KHDRBS2: variants seen among roughly 807,000 people sequenced by gnomAD.
KHDRBS2 encodes KH RNA binding domain containing, signal transduction associated 2, also known as KH domain-containing, RNA-binding, signal transduction-associated protein 2.
KHDRBS2 carries 26 observed loss-of-function variants against 44.3 expected under a neutral mutation model. The observed-to-expected ratio is 0.59, with a 90% CI of 0.43 to 0.81. The LOEUF is 0.81. KHDRBS2 is among the 40% of genes least tolerant of loss of function. The pLI is 0.00. For synonymous variants in KHDRBS2, 194 were observed against 151.1 expected (o/e 1.28, Z -2.08); for missense variants, 476 against 433.1 (o/e 1.10, Z -0.88).
chr6:61,977,254 T>C (rs1370452689), intron 4 of KHDRBS2, among the ~76,000 whole-genome samples: 1 of 152,134 alleles, frequency 6.6e-6, no homozygotes, highest in Non-Finnish European at 1.5e-5. Context: ...TGCCAGACGC[T>C]CCAGAAAACT....
At chr6:62,063,303 A>G (rs1792543730) in intron 2 of KHDRBS2, among the ~76,000 whole-genome samples, 2 of 150,974 alleles carry the variant, frequency 1.3e-5, no homozygotes, top group Admixed American at 1.3e-4. Flanking sequence ...TTCTGATACC[A>G]AAGCCGGGCA....
chr6:61,997,373 T>C (rs1777395298), intron 3 of KHDRBS2, among the ~76,000 whole-genome samples: 1 of 152,202 alleles, frequency 6.6e-6, no homozygotes, highest in Non-Finnish European at 1.5e-5. Flanking sequence ...AATGGAGACC[T>C]CTAGGATTGT....
intron 1 of KHDRBS2, among the ~76,000 whole-genome samples, chr6:62,210,831 G>C (rs1828920197): frequency 6.6e-6 from 1 of 152,000 alleles, no homozygotes; most frequent in African/African-American, 2.4e-5. Flanking sequence ...AATTCTCAGA[G>C]AGTTACCCTC....
intron 7 of KHDRBS2, among the ~76,000 whole-genome samples, chr6:61,727,666 T>C (rs1446094672): frequency 2.0e-5 from 3 of 152,046 alleles, no homozygotes; most frequent in Admixed American, 6.6e-5. Flanking sequence ...TATATGTGAC[T>C]AACAAACATG....
Position 61,713,595 on chromosome 6 carries a change from T to C in KHDRBS2, c.894-16342A>G, listed in dbSNP as rs12205333. Among the ~76,000 whole-genome samples, 724 of 146,576 alleles carry C rather than the reference T, an allele frequency of 4.9e-3. 2 individuals carry two copies. Among genetic ancestry groups the C allele is most frequent in the Non-Finnish European group, 7.8e-3 (521 of 66,564 alleles). ...GATACCTTTAGCTTTTTTTTTTTTT[T>C]CCCTTAGGATTGCTTTGGCTTTTCA... On this transcript the variant is annotated intron_variant, in intron 7 of 8. Transcript: ENST00000281156.
the KHDRBS2 span, among the ~76,000 whole-genome samples, chr6:61,564,163 ACTT>A: frequency 9.2e-5 from 14 of 152,130 alleles, no homozygotes; most frequent in Non-Finnish European, 1.5e-4. Flanking sequence ...CTAATCAGCT[ACTT>A]CTTCTCTCTA....
chr6:62,072,921 A>G (rs976118043), intron 2 of KHDRBS2, among the ~76,000 whole-genome samples: 14 of 152,052 alleles, frequency 9.2e-5, no homozygotes, highest in African/African-American at 3.4e-4. Context: ...GAATGGTACC[A>G]GCTCCCCCTT....
At chr6:61,612,420 C>A in the KHDRBS2 span, among the ~76,000 whole-genome samples, 1 of 152,118 alleles carries the variant, frequency 6.6e-6, no homozygotes, top group Admixed American at 6.5e-5. Flanking sequence ...GGTCATTTCC[C>A]AACCAGCTCA....
chr6:61,554,543 C>T, the KHDRBS2 span, among the ~76,000 whole-genome samples: 1 of 152,086 alleles, frequency 6.6e-6, no homozygotes, highest in Non-Finnish European at 1.5e-5. Flanking sequence ...CAAATTTCTT[C>T]CTGTTATCAT....
intron 6 of KHDRBS2, among the ~76,000 whole-genome samples, chr6:61,864,079 CTTTGT>C (rs1284406053): frequency 4.6e-5 from 7 of 152,004 alleles, no homozygotes; most frequent in Non-Finnish European, 1.0e-4. Context: ...TTGATTTAAA[CTTTGT>C]TTTATCAGAA....
the KHDRBS2 span, among the ~76,000 whole-genome samples, chr6:61,567,236 T>C: frequency 9.2e-5 from 14 of 152,136 alleles, no homozygotes; most frequent in African/African-American, 3.4e-4. Context: ...AAAAAAAGAA[T>C]TTACAGCTGC....
At chr6:62,274,957 C>G (rs1840677806) in intron 1 of KHDRBS2, among the ~76,000 whole-genome samples, 1 of 150,658 alleles carries the variant, frequency 6.6e-6, no homozygotes, top group South Asian at 2.1e-4. Context: ...ATACACATCC[C>G]AATTAACGTA....
rs1232164258 is a variant in KHDRBS2, at chr6:61,811,894, C to T, written c.811-79130G>A. ...ATGTACAATTCGGTTTACACTTATTCCAGTTCCAGTGTGATTTAATCAAAA... is the reference window on the plus strand; with the variant it reads ...ATGTACAATTCGGTTTACACTTATTTCAGTTCCAGTGTGATTTAATCAAAA... On this transcript the variant is annotated intron_variant, in intron 6 of 8. Coordinates refer to ENST00000281156, the MANE Select transcript of KHDRBS2 (RefSeq NM_152688.4). Among the ~76,000 whole-genome samples the T allele has an allele frequency of 2.6e-5, 4 of 152,014 alleles. No homozygotes were observed. The East Asian group carries it at 7.7e-4, about 29-fold the overall frequency.
intron 2 of KHDRBS2, among the ~76,000 whole-genome samples, chr6:62,115,373 G>A (rs989770387): frequency 6.6e-6 from 1 of 152,142 alleles, no homozygotes; most frequent in African/African-American, 2.4e-5. Flanking sequence ...CTGGATGTGT[G>A]TGCTACCATT....
the KHDRBS2 span, among the ~76,000 whole-genome samples, chr6:61,650,608 C>CT: frequency 1.4e-4 from 21 of 150,258 alleles, no homozygotes; most frequent in African/African-American, 2.2e-4. Context: ...AACTTAATGC[C>CT]TTTTTTTTTT....
the KHDRBS2 span, among the ~76,000 whole-genome samples, chr6:61,579,280 G>A: frequency 1.2e-4 from 18 of 152,212 alleles, no homozygotes; most frequent in South Asian, 4.1e-4. Flanking sequence ...TTTGGACTCC[G>A]TGTCTGGAAA....
chr6:62,028,271 A>G (rs1224926444), intron 3 of KHDRBS2, among the ~76,000 whole-genome samples: 1 of 152,124 alleles, frequency 6.6e-6, no homozygotes, highest in African/African-American at 2.4e-5. Context: ...TGTATATTTT[A>G]TTTGTAAAAA....
intron 1 of KHDRBS2, among the ~76,000 whole-genome samples, chr6:62,212,581 A>G (rs780561239): frequency 2.0e-5 from 3 of 152,222 alleles, no homozygotes; most frequent in Non-Finnish European, 4.4e-5. Context: ...CTTTAATCCA[A>G]CATGACTAGT....
At chr6:62,126,226 G>A (rs1808937082) in intron 2 of KHDRBS2, among the ~76,000 whole-genome samples, 1 of 152,192 alleles carries the variant, frequency 6.6e-6, no homozygotes, top group Non-Finnish European at 1.5e-5. Context: ...GTGGGCCTAG[G>A]GCAGTGGTGG....
Sources: allele counts gnomAD v4.1 joint callset (sites outside exome capture counted in the v4.1 genomes callset), GRCh38; gene constraint gnomAD v4.1.1; transcripts MANE v1.5; gene names NCBI Gene and HGNC (gene_info 2026-07-23, HGNC 2026-07-21).